Variants in MARCHF11 observed in about 807,000 individuals in gnomAD.
The protein encoded by MARCHF11 is membrane associated ring-CH-type finger 11, also known as E3 ubiquitin-protein ligase MARCHF11.
A neutral mutation model predicts 37.3 loss-of-function variants in MARCHF11; 29 were observed. That is an observed-to-expected ratio of 0.78 (90% CI 0.58 to 1.06). The LOEUF is 1.06. MARCHF11 is among the 50% of genes least tolerant of loss of function. MARCHF11 has a pLI of 0.00. For synonymous variants in MARCHF11, 233 were observed against 228.0 expected (o/e 1.02, Z -0.20); for missense variants, 482 against 533.4 (o/e 0.90, Z 0.95).
chr5:16,163,194 A>AT (rs56139891), intron 2 of MARCHF11, among the ~76,000 whole-genome samples: 140,511 of 151,956 alleles, frequency 0.92, 65,760 homozygotes, highest in East Asian at 1. Flanking sequence ...GGCAATAAGA[A>AT]CTCCGGTTTA....
intron 2 of MARCHF11, among the ~76,000 whole-genome samples, chr5:16,140,419 C>A (rs1445144394): frequency 6.6e-6 from 1 of 152,126 alleles, no homozygotes; most frequent in Admixed American, 6.6e-5. Context: ...AATGATGGGT[C>A]ATTGTATATA....
intron 3 of MARCHF11, among the ~76,000 whole-genome samples, chr5:16,083,136 T>C (rs544160004): frequency 6.6e-6 from 1 of 152,346 alleles, no homozygotes; most frequent in South Asian, 2.1e-4. Flanking sequence ...GCAGCTGCTC[T>C]GCTTGTACAG....
At chr5:16,105,678 T>C (rs1276696178) in intron 2 of MARCHF11, among the ~76,000 whole-genome samples, 2 of 152,156 alleles carry the variant, frequency 1.3e-5, no homozygotes, top group African/African-American at 4.8e-5. Flanking sequence ...ACAGAGAAGG[T>C]AACATGGACT....
chr5:16,145,704 A>C (rs1737785247), intron 2 of MARCHF11, among the ~76,000 whole-genome samples: 1 of 152,044 alleles, frequency 6.6e-6, no homozygotes, highest in Non-Finnish European at 1.5e-5. Flanking sequence ...ATAAATAAAC[A>C]ATGTCCCTTT....
Position 16,091,013 on chromosome 5 carries a change from G to A in MARCHF11, c.762C>T (p.Phe254=), listed in dbSNP as rs755852011. ...QMIAVILGSL[F]LIASVTWLLW... ...GGAGCCAAGTCACACTGGCTATTAA[G>A]AACAGGGATCCTAGGATTACAGCAA... Residue 254 remains phenylalanine (F), a synonymous_variant, in exon 3 of 4, where the codon TTC becomes TTT. Transcript: ENST00000332432. 6.2e-7 allele frequency: 1 copy of A among 1,611,292 alleles called. No homozygotes were observed. Among genetic ancestry groups the A allele is most frequent in the South Asian group, 1.1e-5 (1 of 90,532 alleles).
At chr5:16,082,001 T>G (rs1335449105) in intron 3 of MARCHF11, among the ~76,000 whole-genome samples, 1 of 152,144 alleles carries the variant, frequency 6.6e-6, no homozygotes, top group South Asian at 2.1e-4. Flanking sequence ...GAGACATCAG[T>G]GAACATCAGT....
chr5:16,083,235 A>G (rs573781161), intron 3 of MARCHF11, among the ~76,000 whole-genome samples: 7 of 152,144 alleles, frequency 4.6e-5, no homozygotes, highest in Non-Finnish European at 7.4e-5. Flanking sequence ...GTGGTCCCGA[A>G]TCAGACCACA....
At chr5:16,177,296 C>T (rs1311675839) in intron 2 of MARCHF11, among the ~76,000 whole-genome samples, 5 of 152,184 alleles carry the variant, frequency 3.3e-5, no homozygotes, top group Admixed American at 6.5e-5. Flanking sequence ...CCAAAGTTTT[C>T]ATACCAGTGA....
chr5:16,131,528 C>A (rs983995660), intron 2 of MARCHF11, among the ~76,000 whole-genome samples: 6 of 152,036 alleles, frequency 3.9e-5, no homozygotes, highest in African/African-American at 1.4e-4. Flanking sequence ...ATCAGCAAAG[C>A]AATGAGAAGA....
At chr5:16,070,567 T>C (rs1461189293) in intron 3 of MARCHF11, among the ~76,000 whole-genome samples, 3 of 152,218 alleles carry the variant, frequency 2.0e-5, no homozygotes, top group Non-Finnish European at 2.9e-5. Flanking sequence ...TCTTTTCTTA[T>C]TGATTTCCTT....
chr5:16,082,983 A>C (rs113623463), intron 3 of MARCHF11, among the ~76,000 whole-genome samples: 388 of 152,308 alleles, frequency 2.5e-3, no homozygotes, highest in African/African-American at 9.0e-3. Context: ...AAGCTCGGCT[A>C]TCCTCAGTGA....
intron 2 of MARCHF11, among the ~76,000 whole-genome samples, chr5:16,118,744 T>C (rs1259650699): frequency 6.6e-6 from 1 of 152,210 alleles, no homozygotes; most frequent in Admixed American, 6.5e-5. Context: ...CCACATACCA[T>C]GTTCAGAGGC....
intron 3 of MARCHF11, among the ~76,000 whole-genome samples, chr5:16,068,720 C>T (rs1253528751): frequency 1.3e-5 from 2 of 152,188 alleles, no homozygotes; most frequent in South Asian, 2.1e-4. Flanking sequence ...TACATTTCAG[C>T]GTGTTGTCCA....
At chr5:16,151,994 C>G (rs1737898012) in intron 2 of MARCHF11, among the ~76,000 whole-genome samples, 1 of 151,942 alleles carries the variant, frequency 6.6e-6, no homozygotes, top group Admixed American at 6.6e-5. Context: ...TTAGCTAGCA[C>G]TTTCAGAACA....
intron 3 of MARCHF11, among the ~76,000 whole-genome samples, chr5:16,070,935 G>A (rs1736425456): frequency 6.6e-6 from 1 of 152,152 alleles, no homozygotes; most frequent in Non-Finnish European, 1.5e-5. Flanking sequence ...GCTGTTCTCT[G>A]TAACATGCAT....
chr5:16,125,617 CTCTGTGTG>C (rs1403988207), intron 2 of MARCHF11, among the ~76,000 whole-genome samples: 60 of 117,022 alleles, frequency 5.1e-4, no homozygotes, highest in African/African-American at 1.7e-3. Flanking sequence ...CTGGCACACT[CTCTGTGTG>C]TGTGTGTGTG....
intron 3 of MARCHF11, among the ~76,000 whole-genome samples, chr5:16,070,424 G>C (rs1449769205): frequency 6.6e-6 from 1 of 152,164 alleles, no homozygotes; most frequent in Non-Finnish European, 1.5e-5. Flanking sequence ...GAATCTATGT[G>C]GTGGGGAACA....
At chr5:16,106,537 C>T (rs1207806541) in intron 2 of MARCHF11, among the ~76,000 whole-genome samples, 1 of 152,190 alleles carries the variant, frequency 6.6e-6, no homozygotes, top group African/African-American at 2.4e-5. Flanking sequence ...GTTTTGTTTT[C>T]TTTCTTTACA....
At chr5:16,102,488 AAC>A (rs1218380094) in intron 2 of MARCHF11, among the ~76,000 whole-genome samples, 1 of 152,144 alleles carries the variant, frequency 6.6e-6, no homozygotes, top group Non-Finnish European at 1.5e-5. Flanking sequence ...CCCCAGACTC[AAC>A]ACACACGCAC....
Sources: allele counts gnomAD v4.1 joint callset (sites outside exome capture counted in the v4.1 genomes callset), GRCh38; gene constraint gnomAD v4.1.1; transcripts MANE v1.5; gene names NCBI Gene and HGNC (gene_info 2026-07-23, HGNC 2026-07-21).